The following LINGO1 variants were observed in gnomAD, a reference collection of about 807,000 sequenced individuals.
The protein encoded by LINGO1 is leucine-rich repeat and immunoglobulin-like domain-containing nogo receptor-interacting protein 1.
LINGO1 carries 11 observed loss-of-function variants against 37.3 expected under a neutral mutation model. The observed-to-expected ratio is 0.29, with a 90% CI of 0.19 to 0.49. The LOEUF (loss-of-function observed/expected upper bound fraction) is 0.49, where lower values mean the gene tolerates loss of function less well. LINGO1 is among the 20% of genes least tolerant of loss of function. The probability of loss-of-function intolerance (pLI) is 0.99; values close to 1 mark genes in which losing one functional copy is unlikely to be tolerated. For missense variants in LINGO1, 585 were observed against 878.2 expected (o/e 0.67, Z 4.22); for synonymous variants, 387 against 403.0 (o/e 0.96, Z 0.48).
chr15:77,749,322 T>G (rs993904599), intron 1 of LINGO1, among the ~76,000 whole-genome samples: 42 of 152,098 alleles, frequency 2.8e-4, no homozygotes, highest in African/African-American at 9.7e-4. Flanking sequence ...CAGGAAGCAC[T>G]GTCAGAAAAC....
chr15:77,793,969 T>C (rs1180165501), intron 2 of LINGO1, among the ~76,000 whole-genome samples: 1 of 152,158 alleles, frequency 6.6e-6, no homozygotes, highest in African/African-American at 2.4e-5. Context: ...GTGTCACCTG[T>C]TCCAACAAGC....
intron 2 of LINGO1, among the ~76,000 whole-genome samples, chr15:77,687,527 T>G (rs2141242857): frequency 6.6e-6 from 1 of 152,344 alleles, no homozygotes; most frequent in Middle Eastern, 3.4e-3. Context: ...TCCAGGCAGC[T>G]GTGCTGGGAT....
intron 3 of LINGO1, chr15:77,647,943 G>A (rs1237012555): frequency 2.2e-6 from 1 of 456,524 alleles, no homozygotes; most frequent in East Asian, 7.0e-5. Context: ...TGCCACCATT[G>A]CTAACTGATG....
intron 1 of LINGO1, among the ~76,000 whole-genome samples, chr15:77,737,432 G>A (rs2076213834): frequency 6.6e-6 from 1 of 151,984 alleles, no homozygotes; most frequent in African/African-American, 2.4e-5. Flanking sequence ...AGGGAGGAAG[G>A]GGAGGAAGGA....
intron 2 of LINGO1, among the ~76,000 whole-genome samples, chr15:77,728,876 G>C (rs943736496): frequency 2.6e-5 from 4 of 152,242 alleles, no homozygotes; most frequent in African/African-American, 9.6e-5. Flanking sequence ...AAATTGCTTA[G>C]CACAGTGCCT....
chr15:77,725,232 T>C (rs756536697), intron 2 of LINGO1, among the ~76,000 whole-genome samples: 3 of 152,142 alleles, frequency 2.0e-5, no homozygotes, highest in Non-Finnish European at 2.9e-5. Flanking sequence ...AGTTTTCCCA[T>C]CGGTACTTAT....
chr15:77,701,773 G>A (rs888255963), intron 2 of LINGO1, among the ~76,000 whole-genome samples: 1 of 152,068 alleles, frequency 6.6e-6, no homozygotes, highest in Non-Finnish European at 1.5e-5. Flanking sequence ...TCTGGCACGA[G>A]TGGAAGCTCC....
intron 2 of LINGO1, among the ~76,000 whole-genome samples, chr15:77,722,950 T>C (rs2076065275): frequency 6.6e-6 from 1 of 152,164 alleles, no homozygotes; most frequent in Non-Finnish European, 1.5e-5. Flanking sequence ...GGCTGGGCCT[T>C]CACAGCGCCC....
intron 3 of LINGO1, among the ~76,000 whole-genome samples, chr15:77,647,221 C>T (rs1003236021): frequency 3.9e-5 from 6 of 152,036 alleles, no homozygotes; most frequent in East Asian, 1.9e-4. Flanking sequence ...GGGTAGCTCT[C>T]GGATCAGGTC....
chr15:77,794,312 GTGTATATACATACATATA>G (rs1339094051), intron 2 of LINGO1, among the ~76,000 whole-genome samples: 6 of 108,224 alleles, frequency 5.5e-5, no homozygotes, highest in Admixed American at 1.8e-4. Flanking sequence ...ATACATATAT[GTGTATATACATACATATA>G]TGTATATACA....
chr15:77,680,541 C>A (rs973767571), intron 2 of LINGO1, among the ~76,000 whole-genome samples: 1 of 152,156 alleles, frequency 6.6e-6, no homozygotes, highest in African/African-American at 2.4e-5. Flanking sequence ...AGTTCCCTAT[C>A]CACGAGGAAA....
intron 2 of LINGO1, among the ~76,000 whole-genome samples, chr15:77,713,700 G>A (rs1596145449): frequency 6.6e-6 from 1 of 152,128 alleles, no homozygotes; most frequent in Non-Finnish European, 1.5e-5. Flanking sequence ...CAACGTCAGT[G>A]ACCTGTCTCT....
intron 2 of LINGO1, among the ~76,000 whole-genome samples, chr15:77,712,401 T>C (rs4886898): frequency 0.48 from 72,526 of 151,838 alleles, 17,657 homozygotes; most frequent in Admixed American, 0.59. Flanking sequence ...TGCTCAAATA[T>C]CTTGCCCCCC....
At position 77,785,678 on chromosome 15, in the gene LINGO1, A is replaced by G. The variant is rs1416333974; in HGVS notation, c.-257+1191T>C. ...GTCCTGGGCTTGCTCCTCCTGCCTG[A>G]TCTTTGTTCACACTATTCCCAACCA... On this transcript the variant is annotated intron_variant, in intron 1 of 3. Transcript: ENST00000561686. 2.6e-5 allele frequency among the ~76,000 whole-genome samples: 4 copies of G among 151,902 alleles called. No individual in the cohort carries two copies. The East Asian group carries it at 7.7e-4, about 29-fold the overall frequency.
intron 1 of LINGO1, among the ~76,000 whole-genome samples, chr15:77,775,324 C>T (rs991687404): frequency 6.6e-6 from 1 of 152,168 alleles, no homozygotes; most frequent in Non-Finnish European, 1.5e-5. Context: ...CCACTGCAGG[C>T]CCAAGTTTGG....
At chr15:77,765,153 G>A (rs916582636) in intron 1 of LINGO1, among the ~76,000 whole-genome samples, 1 of 152,174 alleles carries the variant, frequency 6.6e-6, no homozygotes, top group African/African-American at 2.4e-5. Context: ...GGTGGCTCAT[G>A]CCTGTAATCC....
chr15:77,802,113 C>CAG (rs748302742), intron 1 of LINGO1, among the ~76,000 whole-genome samples: 1 of 152,038 alleles, frequency 6.6e-6, no homozygotes, highest in African/African-American at 2.4e-5. Context: ...CCTATATGTA[C>CAG]AGAGAGTGGG....
intron 3 of LINGO1, chr15:77,648,016 C>T: frequency 2.3e-6 from 1 of 432,970 alleles, no homozygotes; most frequent in South Asian, 1.7e-5. Context: ...GGGCTTTGTC[C>T]TGAGACATCC....
At chr15:77,817,072 C>CG (rs2077054360) in intron 1 of LINGO1, among the ~76,000 whole-genome samples, 1 of 152,140 alleles carries the variant, frequency 6.6e-6, no homozygotes, top group Non-Finnish European at 1.5e-5. Context: ...AGAGGCCGCC[C>CG]GGGACGGGGA....
Sources: gnomAD v4.1 joint callset for allele counts (sites outside exome capture counted in the v4.1 genomes callset) on GRCh38, gnomAD v4.1.1 for gene constraint, MANE v1.5 for transcripts, NCBI Gene and HGNC (gene_info 2026-07-23, HGNC 2026-07-21) for gene names.